Variants in UNC13C observed in about 807,000 individuals in gnomAD.
UNC13C encodes protein unc-13 homolog C.
In UNC13C, 174 loss-of-function variants were observed where a neutral mutation model predicts 245.4. The observed-to-expected ratio is 0.71, with a 90% CI of 0.63 to 0.80. UNC13C has a LOEUF of 0.80. UNC13C is among the 30% of genes least tolerant of loss of function. The pLI, the probability that UNC13C is intolerant of heterozygous loss-of-function variation, is 0.00. For synonymous variants in UNC13C, 992 were observed against 895.1 expected (o/e 1.11, Z -1.93); for missense variants, 2,829 against 2,602.9 (o/e 1.09, Z -1.89).
chr15:54,073,769 T>C (rs895544625), intron 2 of UNC13C, among the ~76,000 whole-genome samples: 1 of 152,244 alleles, frequency 6.6e-6, no homozygotes, highest in East Asian at 1.9e-4. Context: ...TTGTAGATTC[T>C]GGATATTAGC....
intron 2 of UNC13C, among the ~76,000 whole-genome samples, chr15:54,099,728 A>G (rs763918471): frequency 1.3e-5 from 2 of 152,120 alleles, no homozygotes; most frequent in African/African-American, 2.4e-5. Flanking sequence ...TTTAGAGTGC[A>G]ACCCATCCAC....
intron 14 of UNC13C, among the ~76,000 whole-genome samples, chr15:54,323,081 C>T (rs1042876147): frequency 6.6e-6 from 1 of 151,398 alleles, no homozygotes; most frequent in African/African-American, 2.4e-5. Context: ...ATGTTGTTTC[C>T]ACTGCACTTC....
At chr15:54,408,037 T>TA (rs1207309975) in intron 18 of UNC13C, among the ~76,000 whole-genome samples, 1 of 151,076 alleles carries the variant, frequency 6.6e-6, no homozygotes, top group African/African-American at 2.4e-5. Flanking sequence ...CCGTCTCTAC[T>TA]AAAAATACAA....
chr15:54,336,458 A>T (rs557579349), intron 16 of UNC13C, among the ~76,000 whole-genome samples: 1 of 151,558 alleles, frequency 6.6e-6, no homozygotes, highest in South Asian at 2.1e-4. Flanking sequence ...AATATCTCAT[A>T]TAGCAAGTTT....
chr15:54,364,355 T>A (rs1471137818), intron 17 of UNC13C, among the ~76,000 whole-genome samples: 1 of 152,126 alleles, frequency 6.6e-6, no homozygotes, highest in African/African-American at 2.4e-5. Flanking sequence ...GATAGTCATA[T>A]TTTATTTATA....
rs756388454 is a variant in UNC13C at position 54,525,627 on chromosome 15, T to C, written c.5536T>C (p.Tyr1846His). The C allele has an allele frequency of 1.6e-5, 26 of 1,611,930 alleles. No homozygotes were observed. The highest frequency in any genetic ancestry group is 2.1e-5 in the Non-Finnish European group (25 of 1,179,070). The change falls in exon 25 of 33, where the codon TAT (tyrosine) becomes CAT (histidine). Residue 1846 changes from tyrosine to histidine, a missense_variant. Transcript: ENST00000260323. ...GGTCCTGGATGAGCTCAGCGTCACT[T>C]ATGGTGAAAGGTAAGTGGCCTCTGT... ...SGVLDELSVT[Y>H]GESFQVIIEE... is the part of the protein sequence containing the mutation.
intron 28 of UNC13C, among the ~76,000 whole-genome samples, chr15:54,553,648 G>A (rs781088583): frequency 1.9e-4 from 28 of 150,970 alleles, no homozygotes; most frequent in Non-Finnish European, 3.2e-4. Context: ...GAGACTCTGA[G>A]TTTACTGCAT....
intron 31 of UNC13C, among the ~76,000 whole-genome samples, chr15:54,623,081 A>G (rs941619597): frequency 6.6e-6 from 1 of 152,164 alleles, no homozygotes; most frequent in Non-Finnish European, 1.5e-5. Context: ...TATTTTTGAA[A>G]AATGTTGCCA....
chr15:54,075,846 G>T (rs191433795), intron 2 of UNC13C, among the ~76,000 whole-genome samples: 14 of 151,160 alleles, frequency 9.3e-5, no homozygotes, highest in African/African-American at 1.2e-4. Flanking sequence ...TAATGCCAGA[G>T]AATAATTTTA....
intron 19 of UNC13C, among the ~76,000 whole-genome samples, chr15:54,449,681 C>A (rs1441558654): frequency 6.6e-6 from 1 of 152,144 alleles, no homozygotes; most frequent in African/African-American, 2.4e-5. Flanking sequence ...TTCGACTAAT[C>A]ATTTTTCAAG....
At position 54,561,208 on chromosome 15, in the gene UNC13C, T is replaced by A. The variant is rs549907441; in HGVS notation, c.5958+5696T>A. Among the ~76,000 whole-genome samples, 15 of 152,084 alleles carry A rather than the reference T, an allele frequency of 9.9e-5. No individual in the cohort carries two copies. The South Asian group carries it at 3.1e-3, about 32-fold the overall frequency. On this transcript the variant is annotated intron_variant, in intron 29 of 32. Transcript: ENST00000260323. ...TTCTTTAACACCTGAGACTCCCCTTTGAGAAGCAGTGCTGTTCATTCTCTC... is the reference window on the plus strand; with the variant it reads ...TTCTTTAACACCTGAGACTCCCCTTAGAGAAGCAGTGCTGTTCATTCTCTC...
chr15:54,480,551 G>C (rs1440104630), intron 19 of UNC13C, among the ~76,000 whole-genome samples: 3 of 122,874 alleles, frequency 2.4e-5, no homozygotes, highest in Non-Finnish European at 5.2e-5. Context: ...TAAATATTTA[G>C]TTCCATGATT....
chr15:53,937,982 G>A, the UNC13C span, among the ~76,000 whole-genome samples: 1 of 152,160 alleles, frequency 6.6e-6, no homozygotes, highest in African/African-American at 2.4e-5. Flanking sequence ...AAACAAGTCT[G>A]CAAAATAACC....
At chr15:54,241,333 A>G (rs1052608204) in intron 7 of UNC13C, among the ~76,000 whole-genome samples, 7 of 152,256 alleles carry the variant, frequency 4.6e-5, no homozygotes, top group African/African-American at 1.4e-4. Context: ...CAGGAGATCA[A>G]ACCGGAGCCC....
chr15:54,139,100 C>A (rs1567042914), intron 2 of UNC13C, among the ~76,000 whole-genome samples: 1 of 151,514 alleles, frequency 6.6e-6, no homozygotes, highest in African/African-American at 2.4e-5. Context: ...GCTGGGATTA[C>A]AAGCACGCAC....
chr15:53,960,004 A>G, the UNC13C span, among the ~76,000 whole-genome samples: 31 of 152,206 alleles, frequency 2.0e-4, no homozygotes, highest in African/African-American at 7.5e-4. Flanking sequence ...TACTTTTCCC[A>G]TTAAAAGTTT....
chr15:54,280,703 CATACATATATACATATATAAACAT>C (rs2036963173), intron 10 of UNC13C, among the ~76,000 whole-genome samples: 3 of 52,306 alleles, frequency 5.7e-5, no homozygotes, highest in African/African-American at 5.0e-4. Flanking sequence ...CATATGTATA[CATACATATATACATATATAAACAT>C]ATGTATACAT....
chr15:54,629,272 CTG>C (rs1901388137), downstream of UNC13C: 1 of 152,058 alleles, frequency 6.6e-6, no homozygotes, highest in South Asian at 2.1e-4. Context: ...ACAACAGACA[CTG>C]TGGCCTACTT....
intron 18 of UNC13C, among the ~76,000 whole-genome samples, chr15:54,401,733 T>C (rs994972289): frequency 1.3e-5 from 2 of 152,064 alleles, no homozygotes; most frequent in African/African-American, 2.4e-5. Context: ...TCCCCATCTG[T>C]GGTCGTTCAA....
Sources: gnomAD v4.1 joint callset for allele counts (sites outside exome capture counted in the v4.1 genomes callset) on GRCh38, gnomAD v4.1.1 for gene constraint, MANE v1.5 for transcripts, NCBI Gene and HGNC (gene_info 2026-07-23, HGNC 2026-07-21) for gene names.